MIA2: variants seen among roughly 807,000 people sequenced by gnomAD.
MIA2 encodes MIA SH3 domain ER export factor 2, also known as melanoma inhibitory activity protein 2.
In MIA2, 127 loss-of-function variants were observed where a neutral mutation model predicts 167.8. The observed-to-expected ratio is 0.76, with a 90% confidence interval of 0.66 to 0.88. The LOEUF is 0.88. Among genes scored for constraint, MIA2 ranks in the 40% least tolerant of loss-of-function variants. MIA2 has a pLI of 0.00. For missense variants in MIA2, 1,690 were observed against 1,624.7 expected, an observed-to-expected ratio of 1.04 and a Z score of -0.69; for synonymous variants, 552 against 541.9, an observed-to-expected ratio of 1.02 and a Z score of -0.26.
intron 23 of MIA2, among the ~76,000 whole-genome samples, chr14:39,377,018 G>A (rs1322892781): frequency 1.3e-5 from 2 of 152,132 alleles, no homozygotes; most frequent in African/African-American, 4.8e-5. Context: ...GGAGTCCCGA[G>A]TTTCTATTTT....
At chr14:39,351,993 CCGATTTT>C (rs2074399704), downstream of MIA2, among the ~76,000 whole-genome samples, 1 of 134,912 alleles carries the variant, frequency 7.4e-6, no homozygotes, top group Non-Finnish European at 1.6e-5. Context: ...AGTCAAATGA[CCGATTTT>C]TTTTTTACCT....
chr14:39,304,502 T>C (rs557923942), intron 17 of MIA2, 121 bp downstream of exon 17: 28 of 521,136 alleles, frequency 5.4e-5, no homozygotes, highest in South Asian at 5.1e-4. Flanking sequence ...TTTTAACTTT[T>C]GTTCCTGTTG....
chr14:39,363,094 A>G (rs921990674), intron 23 of MIA2, among the ~76,000 whole-genome samples: 3 of 152,214 alleles, frequency 2.0e-5, no homozygotes, highest in African/African-American at 7.2e-5. Flanking sequence ...TATAGTTTCA[A>G]GTATTTTAAA....
chr14:39,259,855 C>T (rs1001685415), intron 6 of MIA2, among the ~76,000 whole-genome samples: 1 of 152,174 alleles, frequency 6.6e-6, no homozygotes, highest in East Asian at 1.9e-4. Context: ...TATCCCTCTC[C>T]TATCCCCCCG....
At chr14:39,359,036 A>G (rs570226131) in intron 23 of MIA2, among the ~76,000 whole-genome samples, 182 of 152,302 alleles carry the variant, frequency 1.2e-3, no homozygotes, top group African/African-American at 4.2e-3. Flanking sequence ...CTGTTCTCAG[A>G]TCTCAAGCTG....
chr14:39,301,168 C>T (rs192816732), intron 14 of MIA2, among the ~76,000 whole-genome samples: 164 of 152,020 alleles, frequency 1.1e-3, no homozygotes, highest in Non-Finnish European at 2.0e-3. Context: ...TCAAGTGATT[C>T]TGCTGCCTCA....
chr14:39,348,686 G>T, intron 27 of MIA2, 57 bp from the exon 28 acceptor site: 1 of 1,596,864 alleles, frequency 6.3e-7, no homozygotes, highest in East Asian at 2.2e-5. Flanking sequence ...TGAGATTTTC[G>T]GGAAAATGAT....
At chr14:39,363,486 G>A (rs565915208) in intron 23 of MIA2, among the ~76,000 whole-genome samples, 7 of 152,128 alleles carry the variant, frequency 4.6e-5, no homozygotes, top group Non-Finnish European at 8.8e-5. Flanking sequence ...CTGAGATTGC[G>A]CCTTTGTTCT....
chr14:39,383,512 C>G (rs1179810965), intron 23 of MIA2, among the ~76,000 whole-genome samples: 2 of 152,132 alleles, frequency 1.3e-5, no homozygotes, highest in South Asian at 4.1e-4. Flanking sequence ...TATGACTAAC[C>G]CTACAGTGAC....
chr14:39,312,890 TG>T (rs2064585965), intron 18 of MIA2, among the ~76,000 whole-genome samples: 1 of 4,128 alleles, frequency 2.4e-4, no homozygotes, highest in Non-Finnish European at 2.3e-3. Flanking sequence ...ATTATAATTG[TG>T]TGTGTGTGTG....
rs1334084578 is a variant in MIA2, at chr14:39,238,449, A to G, written c.249+1394A>G. On this transcript the variant is annotated intron_variant, in intron 2 of 28. Transcript: ENST00000640607. The stretch of plus-strand genomic sequence containing the variant: ...TGGCCTCCCAAAGGGCTGGGATTAC[A>G]GGCGTGAGCCACTATGCCCGGCCCT... 2.6e-5 allele frequency among the ~76,000 whole-genome samples: 4 copies of G among 152,156 alleles called. No homozygotes were observed. The East Asian group carries it at 5.8e-4, about 22-fold the overall frequency.
chr14:39,255,982 C>T (rs912601145), intron 6 of MIA2, among the ~76,000 whole-genome samples: 3 of 152,166 alleles, frequency 2.0e-5, no homozygotes, highest in African/African-American at 7.2e-5. Context: ...AGATCACAGG[C>T]TGCTGGTCAA....
chr14:39,348,780 A>T lies in MIA2; in HGVS notation c.3875A>T (p.Asn1292Ile). 1 of 1,613,954 alleles carries T rather than the reference A, an allele frequency of 6.2e-7. No individual in the cohort carries two copies. Among genetic ancestry groups the T allele is most frequent in the South Asian group, 1.1e-5 (1 of 91,066 alleles). The change falls in exon 28 of 29, where the codon AAT becomes ATT. Residue 1292 changes from asparagine to isoleucine, a missense_variant. Coordinates refer to ENST00000640607, the MANE Select transcript of MIA2 (RefSeq NM_001329214.4). ...NVPDSSLPAE[N>I]EATGPGFVPP... Reference sequence around the variant, plus strand: ...CCTGATTCATCTCTCCCTGCTGAAAATGAAGCCACTGGCCCTGGCTTTGTT... The same window carrying T: ...CCTGATTCATCTCTCCCTGCTGAAATTGAAGCCACTGGCCCTGGCTTTGTT...
At chr14:39,260,045 T>G (rs1044477392) in intron 6 of MIA2, among the ~76,000 whole-genome samples, 2 of 152,190 alleles carry the variant, frequency 1.3e-5, no homozygotes, top group Non-Finnish European at 2.9e-5. Context: ...AACTCACCCT[T>G]TTTTATGGCT....
chr14:39,326,320 G>A (rs1430043581), intron 24 of MIA2, among the ~76,000 whole-genome samples: 28 of 152,122 alleles, frequency 1.8e-4, no homozygotes, highest in Admixed American at 1.8e-3. Context: ...TCATTTTGGG[G>A]CAGAAGTATT....
intron 23 of MIA2, chr14:39,370,817 C>T (rs1224428393): frequency 6.5e-6 from 1 of 153,344 alleles, no homozygotes; most frequent in African/African-American, 2.4e-5. Context: ...ATTTGGATAA[C>T]TTTTCCCGTT....
intron 11 of MIA2, 98 bp downstream of exon 11, chr14:39,293,479 A>T: frequency 1.2e-6 from 1 of 868,876 alleles, no homozygotes; most frequent in Non-Finnish European, 1.7e-6. Context: ...TTATTGTAAA[A>T]AATGTAAAGA....
rs920456813 is a variant in MIA2 at position 39,259,389 on chromosome 14, T to C, written c.1887+6218T>C. ...ACAGCTACTAGTATACTGACTCTCC[T>C]GATTCAACAATGGAAAGAGAAGGAG... On this transcript the variant is annotated intron_variant, in intron 6 of 28. Transcript: ENST00000640607. Among the ~76,000 whole-genome samples the C allele has an allele frequency of 4.6e-5, 7 of 152,252 alleles. No individual in the cohort carries two copies. In the South Asian group the frequency reaches 1.4e-3, roughly 31 times the overall value.
chr14:39,267,599 T>A, intron 6 of MIA2: 1 of 1,550,506 alleles, frequency 6.4e-7, no homozygotes, highest in Non-Finnish European at 8.8e-7. Flanking sequence ...GTAGACCGGC[T>A]TTGGGGTCTA....
Sources: gnomAD v4.1 joint callset for allele counts (sites outside exome capture counted in the v4.1 genomes callset) on GRCh38, gnomAD v4.1.1 for gene constraint, MANE v1.5 for transcripts, NCBI Gene and HGNC (gene_info 2026-07-23, HGNC 2026-07-21) for gene names.